The following SYNDIG1 variants were observed in gnomAD, a reference collection of about 807,000 sequenced individuals.
SYNDIG1 encodes the protein synapse differentiation inducing 1, also known as synapse differentiation-inducing gene protein 1.
In SYNDIG1, 9 loss-of-function variants were observed where a neutral mutation model predicts 19.4. The ratio of observed to expected loss-of-function variants is 0.46; its 90% CI spans 0.28 to 0.81. The LOEUF (loss-of-function observed/expected upper bound fraction) is 0.81, where lower values mean the gene tolerates loss of function less well. Ranked by LOEUF, SYNDIG1 falls within the 30% of genes least tolerant of loss-of-function variation. The probability of loss-of-function intolerance (pLI) is 0.12; values close to 1 mark genes in which losing one functional copy is unlikely to be tolerated. For missense variants in SYNDIG1, 311 were observed against 343.3 expected (o/e 0.91, Z 0.74); for synonymous variants, 141 against 145.9 (o/e 0.97, Z 0.24).
chr20:24,592,167 G>C (rs1045982792), intron 3 of SYNDIG1, among the ~76,000 whole-genome samples: 1 of 152,158 alleles, frequency 6.6e-6, no homozygotes, highest in East Asian at 1.9e-4. Context: ...TCAAGTACAG[G>C]CTGTTCTTTC....
At chr20:24,589,155 A>G (rs1226752187) in intron 3 of SYNDIG1, among the ~76,000 whole-genome samples, 1 of 152,216 alleles carries the variant, frequency 6.6e-6, no homozygotes, top group East Asian at 1.9e-4. Context: ...GAGGATAGAC[A>G]TGAATCCCAT....
intron 3 of SYNDIG1, among the ~76,000 whole-genome samples, chr20:24,596,624 C>T (rs955480084): frequency 1.3e-5 from 2 of 152,182 alleles, no homozygotes; most frequent in African/African-American, 4.8e-5. Flanking sequence ...AGTGATCAGA[C>T]CGCCTCGGCC....
chr20:24,575,433 T>G (rs186107291), intron 2 of SYNDIG1, among the ~76,000 whole-genome samples: 6 of 152,296 alleles, frequency 3.9e-5, no homozygotes, highest in Admixed American at 2.6e-4. Context: ...TTTGCAAGCA[T>G]CTACTCTGGC....
chr20:24,506,282 G>A (rs1417240804), intron 1 of SYNDIG1, among the ~76,000 whole-genome samples: 1 of 152,188 alleles, frequency 6.6e-6, no homozygotes, highest in African/African-American at 2.4e-5. Context: ...AATAAGATGA[G>A]GTGAAACCTC....
chr20:24,507,804 G>C (rs2056632616), intron 1 of SYNDIG1, among the ~76,000 whole-genome samples: 1 of 152,210 alleles, frequency 6.6e-6, no homozygotes, highest in Admixed American at 6.5e-5. Context: ...GTTTCCTCCT[G>C]TCCAGGACAT....
chr20:24,603,021 C>T (rs961524544), intron 3 of SYNDIG1, among the ~76,000 whole-genome samples: 11 of 152,032 alleles, frequency 7.2e-5, no homozygotes, highest in South Asian at 2.1e-4. Flanking sequence ...GGACATGGGA[C>T]GAAGGCCATA....
At chr20:24,556,663 G>T (rs2146840674) in intron 2 of SYNDIG1, among the ~76,000 whole-genome samples, 1 of 152,310 alleles carries the variant, frequency 6.6e-6, no homozygotes, top group Admixed American at 6.5e-5. Context: ...TAGAGTTTCT[G>T]CCAAGAGATC....
chr20:24,654,502 G>C (rs1410433016), intron 3 of SYNDIG1, among the ~76,000 whole-genome samples: 1 of 151,982 alleles, frequency 6.6e-6, no homozygotes, highest in Non-Finnish European at 1.5e-5. Context: ...TCCCATAGAA[G>C]GCTTGGAGAA....
rs551234050 is a variant in SYNDIG1 at position 24,577,348 on chromosome 20, C to T, written c.481-7508C>T. On this transcript the variant is annotated intron_variant, in intron 2 of 3. Coordinates refer to ENST00000376862, the MANE Select transcript of SYNDIG1 (RefSeq NM_024893.3). ...CAGAAGGGGTCGGGTCTTCTACAGC[C>T]AGGCAGCCCACGGAAAACCCCTGAG... 2.2e-4 allele frequency among the ~76,000 whole-genome samples: 34 copies of T among 152,364 alleles called. 1 individual carries two copies. Among genetic ancestry groups the T allele is most frequent in the African/African-American group, 7.9e-4 (33 of 41,594 alleles).
chr20:24,582,962 G>A (rs2058354914), intron 2 of SYNDIG1, among the ~76,000 whole-genome samples: 1 of 152,212 alleles, frequency 6.6e-6, no homozygotes, highest in Admixed American at 6.5e-5. Flanking sequence ...CTGCCCTGCA[G>A]GCTTGTTGGG....
At chr20:24,516,980 G>T (rs2056880375) in intron 1 of SYNDIG1, among the ~76,000 whole-genome samples, 2 of 152,290 alleles carry the variant, frequency 1.3e-5, no homozygotes, top group South Asian at 4.1e-4. Context: ...CATAGAAAAG[G>T]ATTAGTTCAT....
chr20:24,557,966 G>A (rs1041820496), intron 2 of SYNDIG1, among the ~76,000 whole-genome samples: 6 of 152,342 alleles, frequency 3.9e-5, no homozygotes, highest in African/African-American at 1.4e-4. Context: ...TGCTGCAGCC[G>A]AGGAGATGGG....
intron 3 of SYNDIG1, among the ~76,000 whole-genome samples, chr20:24,659,778 G>A (rs1045099252): frequency 2.6e-5 from 4 of 152,198 alleles, no homozygotes; most frequent in African/African-American, 9.6e-5. Context: ...GATGAAGTCA[G>A]CCTCTCAATT....
chr20:24,516,717 G>C (rs1005100417), intron 1 of SYNDIG1, among the ~76,000 whole-genome samples: 6 of 152,226 alleles, frequency 3.9e-5, no homozygotes, highest in African/African-American at 1.4e-4. Context: ...TACACTGTTG[G>C]TTGGACTGTA....
At chr20:24,564,943 C>A (rs79681055) in intron 2 of SYNDIG1, among the ~76,000 whole-genome samples, 1,590 of 152,254 alleles carry the variant, frequency 0.01, 31 homozygotes, top group African/African-American at 0.035. Flanking sequence ...ATGTACCAGA[C>A]CCCGGAAGAA....
intron 2 of SYNDIG1, among the ~76,000 whole-genome samples, chr20:24,581,925 G>C (rs570333984): frequency 1.4e-5 from 2 of 146,892 alleles, no homozygotes; most frequent in African/African-American, 5.1e-5. Context: ...TGCACTGTAC[G>C]TCCTCCCACC....
At chr20:24,524,903 C>T (rs1339579017) in intron 1 of SYNDIG1, among the ~76,000 whole-genome samples, 2 of 152,130 alleles carry the variant, frequency 1.3e-5, no homozygotes, top group East Asian at 3.9e-4. Flanking sequence ...TTCTGTTTCA[C>T]TAGCTTCTGC....
chr20:24,543,681 T>C (rs2057515969), intron 2 of SYNDIG1, 104 bp downstream of exon 2: 1 of 1,480,992 alleles, frequency 6.8e-7, no homozygotes, highest in Non-Finnish European at 9.0e-7. Context: ...ATGAAACTAG[T>C]GTGCAAAAAT....
rs200037030 is a variant in SYNDIG1, at chr20:24,543,351, C to T, written c.254C>T (p.Ser85Phe). 1.9e-6 allele frequency: 3 copies of T among 1,613,576 alleles called. No individual in the cohort carries two copies. The highest frequency in any genetic ancestry group is 2.5e-6 in the Non-Finnish European group (3 of 1,180,026). ...DPNTLQQSVE[S>F]RYRPNIILYS... ...AACACCCTGCAGCAGTCAGTGGAGT[C>T]CCGCTACCGGCCCAACATCATCCTC... Residue 85 changes from serine (S) to phenylalanine (F), a missense_variant, in exon 2 of 4, where the codon TCC becomes TTC. Transcript: ENST00000376862.
Sources: gnomAD v4.1 joint callset for allele counts (sites outside exome capture counted in the v4.1 genomes callset) on GRCh38, gnomAD v4.1.1 for gene constraint, MANE v1.5 for transcripts, NCBI Gene and HGNC (gene_info 2026-07-23, HGNC 2026-07-21) for gene names.